The following GREM2 variants were observed in gnomAD, a reference collection of about 807,000 sequenced individuals.
GREM2 encodes the protein gremlin-2.
A neutral mutation model predicts 14.2 loss-of-function variants in GREM2; 11 were observed. The observed-to-expected ratio is 0.78, with a 90% CI of 0.49 to 1.28. The LOEUF is 1.28. GREM2 is among the 50% of genes most tolerant of loss of function. The pLI is 0.00. For missense variants in GREM2, 210 were observed against 218.5 expected (o/e 0.96, Z 0.24); for synonymous variants, 98 against 97.6 (o/e 1.00, Z -0.02).
rs956403381 is a variant in GREM2 at position 240,540,980 on chromosome 1, C to A, written c.-1-47504G>T. Among the ~76,000 whole-genome samples, 3 of 152,174 alleles carry A rather than the reference C, an allele frequency of 2.0e-5. No homozygotes were observed. The highest frequency in any genetic ancestry group is 7.2e-5 in the African/African-American group (3 of 41,456). On this transcript the variant is annotated intron_variant, in intron 1 of 1. Coordinates refer to ENST00000318160, the MANE Select transcript of GREM2 (RefSeq NM_022469.4). The surrounding 1 kb of genome is among the most constrained non-coding windows in gnomAD (Gnocchi z 4.2). ...CTGTGTTTGTTCTGCTTTTGTGGCA[C>A]CTTCCTAGTTTGGCTTTCCAGATTG...
At chr1:240,600,726 C>A (rs1034993231) in intron 1 of GREM2, among the ~76,000 whole-genome samples, 2 of 152,132 alleles carry the variant, frequency 1.3e-5, no homozygotes, top group African/African-American at 4.8e-5. Flanking sequence ...TCAGGAGATC[C>A]ACCTGCCTCG....
At chr1:240,572,145 G>C (rs1435931980) in intron 1 of GREM2, among the ~76,000 whole-genome samples, 1 of 152,142 alleles carries the variant, frequency 6.6e-6, no homozygotes, top group Non-Finnish European at 1.5e-5. Context: ...ATTACAACTA[G>C]AATATTTCTA....
At chr1:240,504,572 C>T (rs1276457527) in intron 1 of GREM2, among the ~76,000 whole-genome samples, 1 of 152,170 alleles carries the variant, frequency 6.6e-6, no homozygotes, top group African/African-American at 2.4e-5. Context: ...ATCCAACCCA[C>T]TCTTATTGTG....
Position 240,499,242 on chromosome 1 carries a change from C to T in GREM2, c.-1-5766G>A, listed in dbSNP as rs562838240. On this transcript the variant is annotated intron_variant, in intron 1 of 1. Transcript: ENST00000318160. ...TGCAAGTGACCAATGGCAAAGGGTA[C>T]AGCTAAGCTGATGAACTCACTCCAA... 2.0e-5 allele frequency among the ~76,000 whole-genome samples: 3 copies of T among 152,232 alleles called. No homozygotes were observed. The South Asian group carries it at 6.2e-4, about 31-fold the overall frequency.
intron 1 of GREM2, among the ~76,000 whole-genome samples, chr1:240,554,501 A>C (rs954982526): frequency 6.6e-6 from 1 of 152,058 alleles, no homozygotes; most frequent in African/African-American, 2.4e-5. Flanking sequence ...TGGAGCCTAC[A>C]TTATTTGGTT....
chr1:240,531,682 T>G, intron 1 of GREM2: 1 of 981,240 alleles, frequency 1.0e-6, no homozygotes, highest in African/African-American at 1.8e-5. Flanking sequence ...CTCTGAGTGC[T>G]CTCATTTTTC....
rs1677207993 is a variant in GREM2 at position 240,489,867 on chromosome 1, T to C, written c.*3102A>G. The C allele has an allele frequency of 1.3e-5, 2 of 152,236 alleles. No homozygotes were observed. Among genetic ancestry groups the C allele is most frequent in the Non-Finnish European group, 2.9e-5 (2 of 68,034 alleles). The allele number at this position is 152,236 out of a possible 1,614,324, so 9.4% of individuals were successfully genotyped here. ...TTAGAATACGTTAGCAGTGAAATATTCTGTCCCATTTAATAAACTAAGATG... is the reference window on the plus strand; with the variant it reads ...TTAGAATACGTTAGCAGTGAAATATCCTGTCCCATTTAATAAACTAAGATG... On this transcript the variant is annotated 3_prime_UTR_variant, in exon 2 of 2. Coordinates refer to ENST00000318160, the MANE Select transcript of GREM2 (RefSeq NM_022469.4).
intron 1 of GREM2, among the ~76,000 whole-genome samples, chr1:240,517,496 T>TCTCAGCC (rs1331579249): frequency 2.0e-5 from 3 of 152,210 alleles, no homozygotes; most frequent in Admixed American, 6.5e-5. Flanking sequence ...GAACTGAACT[T>TCTCAGCC]CTCAGCCCTC....
At chr1:240,517,842 A>G (rs1292595146) in intron 1 of GREM2, among the ~76,000 whole-genome samples, 1 of 152,184 alleles carries the variant, frequency 6.6e-6, no homozygotes, top group Non-Finnish European at 1.5e-5. Flanking sequence ...CAAACCAGCT[A>G]TGTTGTTTAC....
intron 1 of GREM2, among the ~76,000 whole-genome samples, chr1:240,597,460 G>A (rs192288978): frequency 1.3e-5 from 2 of 152,304 alleles, no homozygotes; most frequent in East Asian, 1.9e-4. Context: ...CTTCTAGTAC[G>A]ATACGTGCTC....
In GREM2 at chr1:240,493,459, G is replaced by C. The variant is rs1333951923; in HGVS notation, c.17C>G (p.Ser6Cys). Reference sequence around the variant, plus strand: ...CACCGCCACCAGGAACAAGGACAGGGAAAGCTTCCAGAACATCCTGCAAAC... The same window carrying C: ...CACCGCCACCAGGAACAAGGACAGGCAAAGCTTCCAGAACATCCTGCAAAC... MFWKL[S>C]LSLFLVAVLV... The change falls in exon 2 of 2, where the codon TCC becomes TGC. Residue 6 changes from serine to cysteine, a missense_variant. Coordinates refer to ENST00000318160, the MANE Select transcript of GREM2 (RefSeq NM_022469.4). 8 of 1,607,810 alleles carry C rather than the reference G, an allele frequency of 5.0e-6. No homozygotes were observed. The African/African-American group carries it at 9.4e-5, about 19-fold the overall frequency.
chr1:240,585,729 CAAAAAAAAAAAAAAA>C (rs370321961), intron 1 of GREM2, among the ~76,000 whole-genome samples: 11 of 67,832 alleles, frequency 1.6e-4, no homozygotes, highest in South Asian at 4.7e-4. Flanking sequence ...GACTCCATCT[CAAAAAAAAAAAAAAA>C]AAAAAAAAAA....
At position 240,560,607 on chromosome 1, in the gene GREM2, G is replaced by A. The variant is rs77750434; in HGVS notation, c.-2+51277C>T. 6.2e-3 allele frequency among the ~76,000 whole-genome samples: 950 copies of A among 152,226 alleles called. 9 individuals are homozygous for A. The highest frequency in any genetic ancestry group is 0.022 in the African/African-American group (896 of 41,538). ...AATTAATGGAAAAACAAGGCAAGAG[G>A]TGAACCCTCGAGAAACAAATTAAAA... On this transcript the variant is annotated intron_variant, in intron 1 of 1. Transcript: ENST00000318160.
intron 1 of GREM2, among the ~76,000 whole-genome samples, chr1:240,551,034 G>T (rs1300571036): frequency 1.3e-5 from 2 of 152,146 alleles, no homozygotes; most frequent in African/African-American, 4.8e-5. Flanking sequence ...TTTCTATCCT[G>T]GGCTAAATAT....
intron 1 of GREM2, among the ~76,000 whole-genome samples, chr1:240,554,922 T>A (rs2103342540): frequency 6.6e-6 from 1 of 152,206 alleles, no homozygotes; most frequent in South Asian, 2.1e-4. Flanking sequence ...GGCGGGAGGA[T>A]CACCTGAGCT....
chr1:240,501,993 A>C (rs1677578879), intron 1 of GREM2, among the ~76,000 whole-genome samples: 1 of 152,074 alleles, frequency 6.6e-6, no homozygotes, highest in African/African-American at 2.4e-5. Flanking sequence ...TTTTCAGATA[A>C]AGATTTTAGA....
At chr1:240,591,144 T>C (rs533483883) in intron 1 of GREM2, among the ~76,000 whole-genome samples, 6 of 152,188 alleles carry the variant, frequency 3.9e-5, no homozygotes, top group Non-Finnish European at 7.3e-5. Flanking sequence ...AATTTCCCTG[T>C]CCACCCCATC....
At chr1:240,557,089 G>A (rs897762935) in intron 1 of GREM2, among the ~76,000 whole-genome samples, 3 of 151,620 alleles carry the variant, frequency 2.0e-5, no homozygotes, top group African/African-American at 7.3e-5. Flanking sequence ...AGAATTGCTT[G>A]ACCCCAGGAG....
chr1:240,520,177 C>T (rs181738594), intron 1 of GREM2, among the ~76,000 whole-genome samples: 15 of 152,294 alleles, frequency 9.8e-5, no homozygotes, highest in Non-Finnish European at 1.8e-4. Context: ...CTCAAACTTA[C>T]TTCTTCAGTA....
Sources: gnomAD v4.1 joint callset for allele counts (sites outside exome capture counted in the v4.1 genomes callset) on GRCh38, gnomAD v4.1.1 for gene constraint, Gnocchi (gnomAD v3.1) non-coding constraint, MANE v1.5 for transcripts, NCBI Gene and HGNC (gene_info 2026-07-23, HGNC 2026-07-21) for gene names.